Variants in MYH3 observed in about 807,000 individuals in gnomAD.
The protein encoded by MYH3 is myosin-3.
A neutral mutation model predicts 238.0 loss-of-function variants in MYH3; 130 were observed. That is an observed-to-expected ratio of 0.55 (90% confidence interval 0.47 to 0.63). MYH3 has a LOEUF of 0.63. MYH3 is among the 30% of genes least tolerant of loss of function. MYH3 has a pLI of 0.00. For synonymous variants in MYH3, 880 were observed against 924.1 expected (o/e 0.95, Z 0.86); for missense variants, 1,853 against 2,374.9 (o/e 0.78, Z 4.57).
intron 32 of MYH3, 30 bp from the exon 33 acceptor site, chr17:10,633,745 G>A (rs778792067): frequency 1.2e-6 from 2 of 1,613,144 alleles, no homozygotes; most frequent in South Asian, 1.1e-5. Flanking sequence ...AGTTGCATAT[G>A]AGCGCCTCTG....
At position 10,640,089 on chromosome 17, in the gene MYH3, T is replaced by C. The variant is rs575870963; in HGVS notation, c.2589A>G (p.Glu863=). 1 of 1,614,114 alleles carries C rather than the reference T, an allele frequency of 6.2e-7. No homozygotes were observed. The highest frequency in any genetic ancestry group is 1.1e-5 in the South Asian group (1 of 91,068). Residue 863 remains glutamate, a synonymous_variant, in exon 22 of 41, where the codon GAA becomes GAG. Coordinates refer to ENST00000583535, the MANE Select transcript of MYH3 (RefSeq NM_002470.4). ...MKEEFQKTKD[E]LAKSEAKRKE... ...TCCTTTTTGCCTCCGACTTGGCGAG[T>C]TCATCTTTGGTTTTCTGGAATTCTT...
Position 10,630,472 on chromosome 17 carries a change from G to T in MYH3, c.5287-14C>A. On this transcript the variant is annotated splice_polypyrimidine_tract_variant and intron_variant, in intron 36 of 40. Coordinates refer to ENST00000583535, the MANE Select transcript of MYH3 (RefSeq NM_002470.4). Reference sequence around the variant, plus strand: ...CATCATGGCAGCCTGAAAAGCACATGGGACTTGCTAGGATGCAGAGGAAGC... The same window carrying T: ...CATCATGGCAGCCTGAAAAGCACATTGGACTTGCTAGGATGCAGAGGAAGC... The T allele has an allele frequency of 2.5e-6, 4 of 1,614,100 alleles. No individual in the cohort carries two copies. Among genetic ancestry groups the T allele is most frequent in the Non-Finnish European group, 3.4e-6 (4 of 1,180,000 alleles).
Position 10,632,918 on chromosome 17 carries a change from T to C in MYH3, c.4648-134A>G, listed in dbSNP as rs1981514. On this transcript the variant is annotated intron_variant, in intron 33 of 40. Transcript: ENST00000583535. ...CAATAGTCACAATTCACTTTTTAAA[T>C]GTCCCCAAATTGGCCGGGTGCAGTG... The C allele has an allele frequency of 0.7, 758,709 of 1,087,404 alleles. 271,335 individuals carry two copies. The highest frequency in any genetic ancestry group is 0.75 in the Non-Finnish European group (545,887 of 724,728). The allele number at this position is 1,087,404 out of a possible 1,614,324, so 67.4% of individuals were successfully genotyped here. A position where few individuals can be genotyped will look rare whatever the true frequency, so the allele number is the denominator to read the frequency against.
At chr17:10,677,873 T>G in the MYH3 span, 1 of 152,270 alleles carries the variant, frequency 6.6e-6, no homozygotes, top group African/African-American at 2.4e-5. Flanking sequence ...TCCCAGCACT[T>G]TGGGAGGCCG....
chr17:10,669,771 C>T, the MYH3 span, among the ~76,000 whole-genome samples: 22 of 151,988 alleles, frequency 1.4e-4, no homozygotes, highest in East Asian at 9.7e-4. Context: ...ATCAGCTGGG[C>T]GTGGTGGTAT....
the MYH3 span, among the ~76,000 whole-genome samples, chr17:10,670,322 C>T: frequency 9.3e-4 from 142 of 152,300 alleles, 3 homozygotes; most frequent in East Asian, 0.022. This position sits in a 1 kb window ranked among gnomAD's most constrained non-coding sequence, Gnocchi z 7.0. Flanking sequence ...AGCCTGGCCA[C>T]GGCTTCATAA....
rs145624953 is a variant in MYH3 at position 10,629,716 on chromosome 17, G to A, written c.5677C>T (p.His1893Tyr). 9.3e-6 allele frequency: 15 copies of A among 1,614,224 alleles called. No individual in the cohort carries two copies. Among genetic ancestry groups the A allele is most frequent in the African/African-American group, 8.0e-5 (6 of 75,066 alleles). The part of the protein sequence containing the change: ...AEEADEQANA[H>Y]LTKFRKAQHE... ...TGAGCCTTTCGGAATTTGGTGAGAT[G>A]AGCATTGGCTTGTTCATCCTAAAAC... The change falls in exon 40 of 41, where the codon CAT (histidine) becomes TAT (tyrosine). Residue 1893 changes from histidine to tyrosine, a missense_variant. His to Tyr is a moderately conservative substitution (Grantham distance 83, BLOSUM62 2). Transcript: ENST00000583535.
rs567825066 is a variant in MYH3, at chr17:10,656,272, TC to T, written c.-67-125del. The T allele has an allele frequency of 2.0e-5, 3 of 152,198 alleles. No individual in the cohort carries two copies. The South Asian group carries it at 6.3e-4, about 32-fold the overall frequency. The allele number at this position is 152,198 out of a possible 1,614,324, so 9.4% of individuals were successfully genotyped here. On this transcript the variant is annotated intron_variant, in intron 1 of 40. Transcript: ENST00000583535. Reference sequence around the variant, plus strand: ...CAGGCGCCATGGCTCACGCCTGTAATCCCAGCACTTTGGGAAGCCGAGGCGG... The same window carrying T: ...CAGGCGCCATGGCTCACGCCTGTAATCCAGCACTTTGGGAAGCCGAGGCGG...
the MYH3 span, among the ~76,000 whole-genome samples, chr17:10,662,648 C>T: frequency 2.0e-5 from 3 of 152,162 alleles, no homozygotes; most frequent in African/African-American, 7.2e-5. Context: ...TCCAGTTCTT[C>T]CAACAATGGT....
Position 10,635,759 on chromosome 17 carries a change from C to T in MYH3, c.3951G>A (p.Lys1317=). The T allele has an allele frequency of 6.2e-7, 1 of 1,614,176 alleles. No homozygotes were observed. Among genetic ancestry groups the T allele is most frequent in the East Asian group, 2.2e-5 (1 of 44,882 alleles). Residue 1317 remains lysine (K), a synonymous_variant, in exon 29 of 41, where the codon AAG becomes AAA. Coordinates refer to ENST00000583535, the MANE Select transcript of MYH3 (RefSeq NM_002470.4). ...CCTTGTTCTCTTCCTCCAGCTGCCTCTTGAGCTCTTCTGTTTGCTGGGTAA... is the reference window on the plus strand; with the variant it reads ...CCTTGTTCTCTTCCTCCAGCTGCCTTTTGAGCTCTTCTGTTTGCTGGGTAA... The part of the protein sequence containing the change: ...QAFTQQTEEL[K]RQLEEENKAK...
At chr17:10,635,240 C>G in intron 30 of MYH3, 127 bp downstream of exon 30, 1 of 1,503,900 alleles carries the variant, frequency 6.6e-7, no homozygotes, top group South Asian at 1.2e-5. Context: ...TGTGCTAACG[C>G]CAGGTCCCTC....
the MYH3 span, among the ~76,000 whole-genome samples, chr17:10,662,344 T>C: frequency 6.6e-6 from 1 of 152,096 alleles, no homozygotes; most frequent in Admixed American, 6.6e-5. Context: ...TCATGAAAAA[T>C]GTCAAGCATT....
chr17:10,631,614 C>T lies in MYH3; in HGVS notation c.5283G>A (p.Thr1761=), dbSNP rs763767624. 24 of 1,614,032 alleles carry T rather than the reference C, an allele frequency of 1.5e-5. No homozygotes were observed. The highest frequency in any genetic ancestry group is 1.6e-4 in the Middle Eastern group (1 of 6,084). The change falls in exon 36 of 41, where the codon ACG becomes ACA. Residue 1761 remains threonine (T), a synonymous_variant. Transcript: ENST00000583535. ...NAEEKAKKAI[T]DAAMMAEELK... is the part of the protein sequence containing the mutation. ...CAGCAGGAAGGAGACGCCTTACGTC[C>T]GTGATGGCCTTCTTGGCCTTCTCCT... is the stretch of plus-strand genomic sequence containing the variant.
chr17:10,670,715 T>C, the MYH3 span, among the ~76,000 whole-genome samples: 1 of 108,176 alleles, frequency 9.2e-6, no homozygotes, highest in African/African-American at 2.7e-5. The surrounding 1 kb of genome is among the most constrained non-coding windows in gnomAD (Gnocchi z 7.0). Flanking sequence ...CCTGTTAAGG[T>C]TTGGGTATTT....
Position 10,642,830 on chromosome 17 carries a change from T to C in MYH3, c.1577A>G (p.Glu526Gly). 1 of 1,614,098 alleles carries C rather than the reference T, an allele frequency of 6.2e-7. No individual in the cohort carries two copies. Among genetic ancestry groups the C allele is most frequent in the Non-Finnish European group, 8.5e-7 (1 of 1,180,004 alleles). The change falls in exon 15 of 41, where the codon GAG (glutamate) becomes GGG (glycine). Residue 526 changes from glutamate (E) to glycine (G), a missense_variant. By Grantham distance (98) the Glu-to-Gly change is moderately conservative (BLOSUM62 -2). Transcript: ENST00000583535. The surrounding 1 kb of genome is among the most constrained non-coding windows in gnomAD (Gnocchi z 5.4). ...GGTGGGGATGGAACTGGATACCTTC[T>C]CGATGAGCTCGATGCAGGCAGCCAG... is the stretch of plus-strand genomic sequence containing the variant. ...MDLAACIELI[E>G]KPMGIFSILE...
the MYH3 span, among the ~76,000 whole-genome samples, chr17:10,667,680 T>TAA: frequency 9.0e-6 from 1 of 111,730 alleles, no homozygotes; most frequent in Non-Finnish European, 2.0e-5. Context: ...AGACTCTGTC[T>TAA]AAAAAAAAAA....
chr17:10,649,838 C>T (rs2094716603), intron 6 of MYH3, among the ~76,000 whole-genome samples, 153 bp from the exon 7 acceptor site: 1 of 152,216 alleles, frequency 6.6e-6, no homozygotes, highest in African/African-American at 2.4e-5. Context: ...AAGGCAGACG[C>T]CCAGGGCACA....
At position 10,631,783 on chromosome 17, in the gene MYH3, C is replaced by A. The variant is rs73976871; in HGVS notation, c.5160+30G>T. ...TAACCAGGTGCGTATGAGGCTGGAA[C>A]CTCGCCTCTCTTCCTCTCCCTCCCC... On this transcript the variant is annotated intron_variant, in intron 35 of 40. Coordinates refer to ENST00000583535, the MANE Select transcript of MYH3 (RefSeq NM_002470.4). The A allele has an allele frequency of 0.038, 61,068 of 1,614,006 alleles. 1,398 individuals carry two copies. Among genetic ancestry groups the A allele is most frequent in the South Asian group, 0.066 (5,968 of 91,078 alleles).
At chr17:10,659,512 C>T (rs147741033), upstream of MYH3, among the ~76,000 whole-genome samples, 142 of 152,318 alleles carry the variant, frequency 9.3e-4, no homozygotes, top group African/African-American at 3.2e-3. Context: ...GTAATATAGA[C>T]ATCACTGGAC....
Sources: allele counts gnomAD v4.1 joint callset (sites outside exome capture counted in the v4.1 genomes callset), GRCh38; gene constraint gnomAD v4.1.1; non-coding constraint Gnocchi (gnomAD v3.1); transcripts MANE v1.5; gene names NCBI Gene and HGNC (gene_info 2026-07-23, HGNC 2026-07-21).